SULT2B1: variants seen among roughly 807,000 people sequenced by gnomAD.
The protein encoded by SULT2B1 is sulfotransferase 2B1.
A neutral mutation model predicts 33.2 loss-of-function variants in SULT2B1; 16 were observed. The observed-to-expected ratio is 0.48, with a 90% CI of 0.33 to 0.73. The LOEUF (loss-of-function observed/expected upper bound fraction) is 0.73, where lower values mean the gene tolerates loss of function less well. SULT2B1 is among the 30% of genes least tolerant of loss of function. The pLI, the probability that SULT2B1 is intolerant of heterozygous loss-of-function variation, is 0.02. For synonymous variants in SULT2B1, 186 were observed against 200.5 expected, an observed-to-expected ratio of 0.93 and a Z score of 0.61; for missense variants, 500 against 506.0, an observed-to-expected ratio of 0.99 and a Z score of 0.11.
At chr19:48,571,186 A>AATTTATTTATTTATTTATTT (rs745593519) in intron 1 of SULT2B1, among the ~76,000 whole-genome samples, 1 of 144,586 alleles carries the variant, frequency 6.9e-6, no homozygotes, top group Admixed American at 7.0e-5. Flanking sequence ...ATGCCTGGCT[A>AATTTATTTATTTATTTATTT]ATTTATTTAT....
rs372325021 is a variant in SULT2B1 at position 48,587,292 on chromosome 19, G to A, written c.278G>A (p.Arg93His). 27 of 1,613,844 alleles carry A rather than the reference G, an allele frequency of 1.7e-5. No individual in the cohort carries two copies. The highest frequency in any genetic ancestry group is 1.2e-4 in the South Asian group (11 of 91,076). ...AAGGAAGGGGATCCATCCTGGATCC[G>A]CTCCGTGCCCATCTGGGAGCGGGCA... The part of the protein sequence containing the change: ...ILKEGDPSWI[R>H]SVPIWERAPW... The change falls in exon 3 of 7, where the codon CGC becomes CAC. Residue 93 changes from arginine to histidine, a missense_variant. Coordinates refer to ENST00000201586, the MANE Select transcript of SULT2B1 (RefSeq NM_177973.2).
intron 3 of SULT2B1, among the ~76,000 whole-genome samples, chr19:48,589,547 G>A (rs143971777): frequency 2.4e-4 from 36 of 152,294 alleles, no homozygotes; most frequent in African/African-American, 7.7e-4. Flanking sequence ...GAGAGGGGGG[G>A]CTGCAATCAG....
At chr19:48,567,626 A>T (rs1413989631) in intron 1 of SULT2B1, among the ~76,000 whole-genome samples, 1 of 152,106 alleles carries the variant, frequency 6.6e-6, no homozygotes, top group African/African-American at 2.4e-5. Context: ...TAGCACAGGG[A>T]AAAATTCTGC....
rs869189397 is a variant in SULT2B1 at position 48,558,679 on chromosome 19, C to CTT, written c.71+6377_71+6378dup. 2.8e-3 allele frequency among the ~76,000 whole-genome samples: 294 copies of CTT among 106,110 alleles called. 3 individuals carry two copies. The highest frequency in any genetic ancestry group is 3.8e-3 in the African/African-American group (92 of 24,064). 69.6% of individuals were successfully genotyped at this position (106,110 alleles called of 152,430 possible). ...TGCTTTTTCTTTTTTCTTTTCTTTTCTTTTTTTTTTTTTTTTTTTTTTGAG... is the reference window on the plus strand; with the variant it reads ...TGCTTTTTCTTTTTTCTTTTCTTTTCTTTTTTTTTTTTTTTTTTTTTTTTGAG... On this transcript the variant is annotated intron_variant, in intron 1 of 6. Transcript: ENST00000201586.
chr19:48,591,771 G>T, intron 4 of SULT2B1, 36 bp downstream of exon 4: 1 of 1,534,156 alleles, frequency 6.5e-7, no homozygotes. Context: ...GAGGGGTGGG[G>T]AGGAGCCCCA....
chr19:48,553,006 C>G (rs1292347608), intron 1 of SULT2B1, among the ~76,000 whole-genome samples: 1 of 152,164 alleles, frequency 6.6e-6, no homozygotes, highest in Non-Finnish European at 1.5e-5. Flanking sequence ...AGAAGCAAAT[C>G]TGAACCCGGT....
intron 4 of SULT2B1, among the ~76,000 whole-genome samples, chr19:48,592,207 G>A (rs1973652269): frequency 2.0e-5 from 3 of 152,154 alleles, no homozygotes. Context: ...CAGGAGAATG[G>A]CTTGAACTTG....
intron 1 of SULT2B1, among the ~76,000 whole-genome samples, chr19:48,555,549 CCTCTCT>C (rs142655043): frequency 0.016 from 2,027 of 124,164 alleles, 64 homozygotes; most frequent in African/African-American, 0.059. Flanking sequence ...CCAGAGACAT[CCTCTCT>C]CTCTCTCTCT....
chr19:48,598,152 G>A (rs764922333), intron 6 of SULT2B1, among the ~76,000 whole-genome samples: 6 of 152,268 alleles, frequency 3.9e-5, no homozygotes, highest in South Asian at 2.1e-4. Flanking sequence ...CCACCCCAGG[G>A]AACCCCTCCC....
intron 1 of SULT2B1, 31 bp from the exon 2 acceptor site, chr19:48,575,910 C>A: frequency 1.3e-6 from 2 of 1,599,842 alleles, no homozygotes; most frequent in Non-Finnish European, 1.7e-6. Flanking sequence ...TCCCTACTCT[C>A]CCTCATGGCG....
intron 2 of SULT2B1, among the ~76,000 whole-genome samples, chr19:48,578,073 C>T (rs1295693851): frequency 2.6e-5 from 4 of 151,656 alleles, no homozygotes; most frequent in African/African-American, 4.8e-5. Flanking sequence ...ATTAGCCAGG[C>T]GTGGTGGTGT....
chr19:48,552,221 C>T lies in SULT2B1; in HGVS notation c.-32C>T, dbSNP rs372902233. 6.3e-5 allele frequency: 102 copies of T among 1,609,032 alleles called. 1 individual carries two copies. Among genetic ancestry groups the T allele is most frequent in the Non-Finnish European group, 7.7e-5 (91 of 1,176,784 alleles). ...GCCTCTGTGCCGCCTGCTCCCTGCT[C>T]GTCCTCCCCTCCCCACCCTCACCCA... On this transcript the variant is annotated 5_prime_UTR_variant, in exon 1 of 7. Coordinates refer to ENST00000201586, the MANE Select transcript of SULT2B1 (RefSeq NM_177973.2). The surrounding 1 kb of genome is among the most constrained non-coding windows in gnomAD (Gnocchi z 4.8).
At chr19:48,597,067 ACGG>A in intron 6 of SULT2B1, 148 bp downstream of exon 6, 1 of 970,676 alleles carries the variant, frequency 1.0e-6, no homozygotes, top group East Asian at 2.6e-5. Context: ...TTGATCACGC[ACGG>A]GGCTTAGCAC....
intron 1 of SULT2B1, among the ~76,000 whole-genome samples, chr19:48,572,383 T>G (rs1973342865): frequency 6.6e-6 from 1 of 152,078 alleles, no homozygotes; most frequent in African/African-American, 2.4e-5. Flanking sequence ...CATGGTGGCA[T>G]GCACCTGTAG....
chr19:48,589,017 G>C (rs968693660), intron 3 of SULT2B1, among the ~76,000 whole-genome samples: 2 of 152,226 alleles, frequency 1.3e-5, no homozygotes, highest in African/African-American at 2.4e-5. Flanking sequence ...AGCGCGGCAG[G>C]GATCGCAGCA....
intron 1 of SULT2B1, among the ~76,000 whole-genome samples, chr19:48,559,510 A>C (rs1332537299): frequency 6.6e-6 from 1 of 152,178 alleles, no homozygotes; most frequent in Admixed American, 6.5e-5. Context: ...AGCTGGGATT[A>C]CAGGCATGTG....
At position 48,586,348 on chromosome 19, in the gene SULT2B1, G is replaced by T. The variant is rs143840446; in HGVS notation, c.215-881G>T. 4.9e-3 allele frequency among the ~76,000 whole-genome samples: 740 copies of T among 152,340 alleles called. 7 individuals are homozygous for T. The highest frequency in any genetic ancestry group is 0.017 in the African/African-American group (698 of 41,590). The stretch of plus-strand genomic sequence containing the variant: ...GTTGGTGCAGGAAGGGTGGAAGGAA[G>T]TTGGTGGGGGGATATCCATGCATTC... On this transcript the variant is annotated intron_variant, in intron 2 of 6. Transcript: ENST00000201586.
chr19:48,596,716 T>A (rs1973719832), intron 5 of SULT2B1, 23 bp from the exon 6 acceptor site: 1 of 1,581,962 alleles, frequency 6.3e-7, no homozygotes, highest in Non-Finnish European at 8.5e-7. Flanking sequence ...CTCCCTCCGC[T>A]GACCCCTCTC....
chr19:48,597,000 C>T (rs1973726460), intron 6 of SULT2B1, 81 bp downstream of exon 6: 1 of 1,385,268 alleles, frequency 7.2e-7, no homozygotes. Context: ...CCTCTCTGGG[C>T]CTCAGTTTCT....
Sources: allele counts gnomAD v4.1 joint callset (sites outside exome capture counted in the v4.1 genomes callset), GRCh38; gene constraint gnomAD v4.1.1; non-coding constraint Gnocchi (gnomAD v3.1); transcripts MANE v1.5; gene names NCBI Gene and HGNC (gene_info 2026-07-23, HGNC 2026-07-21).